PIGK: variants seen among roughly 807,000 people sequenced by gnomAD.
The protein encoded by PIGK is phosphatidylinositol glycan anchor biosynthesis class K, also known as GPI-anchor transamidase.
A neutral mutation model predicts 50.6 loss-of-function variants in PIGK; 42 were observed. The observed-to-expected ratio is 0.83, with a 90% CI of 0.65 to 1.07. PIGK has a LOEUF of 1.07. Ranked by LOEUF, PIGK falls within the 50% of genes least tolerant of loss-of-function variation. The probability of loss-of-function intolerance (pLI) is 0.00; values close to 1 mark genes in which losing one functional copy is unlikely to be tolerated. For synonymous variants in PIGK, 151 were observed against 156.0 expected, an observed-to-expected ratio of 0.97 and a Z score of 0.24; for missense variants, 448 against 488.7, an observed-to-expected ratio of 0.92 and a Z score of 0.78.
intron 1 of PIGK, among the ~76,000 whole-genome samples, chr1:77,217,567 C>CAAA (rs1656598065): frequency 4.0e-5 from 6 of 151,774 alleles, no homozygotes; most frequent in Non-Finnish European, 7.4e-5. Flanking sequence ...ATCAAGGTCC[C>CAAA]TGGGTGACAT....
intron 3 of PIGK, among the ~76,000 whole-genome samples, chr1:77,199,216 C>T (rs1656105557): frequency 6.6e-6 from 1 of 152,028 alleles, no homozygotes; most frequent in African/African-American, 2.4e-5. Context: ...ATTTCAACTT[C>T]CTAACTATTC....
chr1:77,133,848 G>T (rs574405383), intron 9 of PIGK, among the ~76,000 whole-genome samples: 1 of 152,258 alleles, frequency 6.6e-6, no homozygotes, highest in African/African-American at 2.4e-5. Flanking sequence ...ATTTTCAAAG[G>T]TTTCTGACTT....
In PIGK at chr1:77,164,076, C is replaced by A; in HGVS notation, c.488-134G>T. 4 of 522,540 alleles carry A rather than the reference C, an allele frequency of 7.7e-6. 1 individual carries two copies. The South Asian group carries it at 1.3e-4, about 16-fold the overall frequency. 32.4% of individuals were successfully genotyped at this position (522,540 alleles called of 1,614,324 possible). ...TACTCTAAAATGTATACTATGAAAA[C>A]AAACAAATTGAATTTTCTACTATGC... On this transcript the variant is annotated intron_variant, in intron 5 of 10. Transcript: ENST00000370812.
rs903196985 is a variant in PIGK, at chr1:77,194,990, G to A, written c.239+11650C>T. On this transcript the variant is annotated intron_variant, in intron 3 of 10. Coordinates refer to ENST00000370812, the MANE Select transcript of PIGK (RefSeq NM_005482.3). The stretch of plus-strand genomic sequence containing the variant: ...TGGAGCAGAGGATCACGTGGAAGCA[G>A]TGAAAAAGCTCCAAACTCCACCAAG... The A allele has an allele frequency of 1.3e-5, 9 of 677,642 alleles. No individual in the cohort carries two copies. In the African/African-American group the frequency reaches 1.6e-4, roughly 12 times the overall value. The allele number at this position is 677,642 out of a possible 1,614,324, so 42.0% of individuals were successfully genotyped here. A position where few individuals can be genotyped will look rare whatever the true frequency, so the allele number is the denominator to read the frequency against.
intron 6 of PIGK, among the ~76,000 whole-genome samples, chr1:77,163,331 A>G (rs1362988154): frequency 6.6e-6 from 1 of 152,164 alleles, no homozygotes; most frequent in African/African-American, 2.4e-5. Flanking sequence ...AATCAAGTTA[A>G]AAGTTTTTTC....
intron 3 of PIGK, among the ~76,000 whole-genome samples, chr1:77,183,679 C>T (rs986473519): frequency 6.6e-6 from 1 of 152,138 alleles, no homozygotes; most frequent in African/African-American, 2.4e-5. Context: ...GACTTGGGCC[C>T]ACTAAGTAGG....
At chr1:77,215,312 T>C (rs890381423) in intron 1 of PIGK, among the ~76,000 whole-genome samples, 7 of 152,050 alleles carry the variant, frequency 4.6e-5, no homozygotes, top group Non-Finnish European at 1.0e-4. Context: ...CCCACAAGTG[T>C]ATGAAAAAAT....
chr1:77,162,418 T>A (rs1305049255), intron 6 of PIGK, among the ~76,000 whole-genome samples: 1 of 152,108 alleles, frequency 6.6e-6, no homozygotes, highest in Non-Finnish European at 1.5e-5. Flanking sequence ...TGGGAACAGA[T>A]CTGTGTAGCT....
intron 3 of PIGK, among the ~76,000 whole-genome samples, chr1:77,183,658 C>T (rs145729641): frequency 6.6e-6 from 1 of 152,252 alleles, no homozygotes; most frequent in African/African-American, 2.4e-5. Flanking sequence ...TTAGATCAGG[C>T]TAAATTTATT....
At chr1:77,210,624 A>G (rs182781126) in intron 1 of PIGK, 135 bp from the exon 2 acceptor site, 1 of 561,674 alleles carries the variant, frequency 1.8e-6, no homozygotes, top group Non-Finnish European at 3.2e-6. Flanking sequence ...AGATTCCAGT[A>G]TTTGTCATTA....
At chr1:77,133,094 G>T (rs770573656) in intron 9 of PIGK, among the ~76,000 whole-genome samples, 1 of 151,954 alleles carries the variant, frequency 6.6e-6, no homozygotes, top group Non-Finnish European at 1.5e-5. Context: ...TTTAAATATT[G>T]TCTGTTCTTC....
rs182714593 is a variant in PIGK at position 77,130,132 on chromosome 1, G to C, written c.987-7773C>G. Among the ~76,000 whole-genome samples the C allele has an allele frequency of 3.8e-3, 554 of 147,332 alleles. 5 individuals carry two copies. The highest frequency in any genetic ancestry group is 0.013 in the African/African-American group (524 of 40,400). On this transcript the variant is annotated intron_variant, in intron 9 of 10. Transcript: ENST00000370812. The stretch of plus-strand genomic sequence containing the variant: ...ATCTAGACAGAAATTCTTTGAAATA[G>C]ATGTTACAAATAACGTCACCACACT...
chr1:77,173,686 G>C (rs550173035), intron 3 of PIGK, among the ~76,000 whole-genome samples: 21 of 152,292 alleles, frequency 1.4e-4, no homozygotes, highest in South Asian at 2.1e-4. Context: ...AGCAAATTTG[G>C]TGTCCTTGTC....
At chr1:77,175,059 G>A (rs937815793) in intron 3 of PIGK, among the ~76,000 whole-genome samples, 3 of 152,086 alleles carry the variant, frequency 2.0e-5, no homozygotes, top group African/African-American at 4.8e-5. Flanking sequence ...TTTAGTTCAC[G>A]TAACTTTAGT....
chr1:77,127,530 C>A (rs1164356979), intron 9 of PIGK, among the ~76,000 whole-genome samples: 1 of 152,098 alleles, frequency 6.6e-6, no homozygotes, highest in Non-Finnish European at 1.5e-5. Context: ...GAGACCCCAT[C>A]ACAAATAAAT....
At chr1:77,164,009 A>T in intron 5 of PIGK, 67 bp from the exon 6 acceptor site, 1 of 771,932 alleles carries the variant, frequency 1.3e-6, no homozygotes, top group Non-Finnish European at 2.2e-6. Flanking sequence ...AGATATATAC[A>T]TTTACTTCAT....
intron 8 of PIGK, among the ~76,000 whole-genome samples, chr1:77,160,781 G>A (rs1348430810): frequency 6.6e-6 from 1 of 152,122 alleles, no homozygotes; most frequent in Non-Finnish European, 1.5e-5. Context: ...AACAAGCCTT[G>A]TCAAATGACT....
intron 1 of PIGK, among the ~76,000 whole-genome samples, chr1:77,214,615 C>T (rs954309453): frequency 6.6e-6 from 1 of 152,092 alleles, no homozygotes; most frequent in South Asian, 2.1e-4. Context: ...CCACTCTCAC[C>T]ACTCTTATCA....
intron 9 of PIGK, among the ~76,000 whole-genome samples, chr1:77,140,796 A>G (rs1472102126): frequency 2.6e-5 from 4 of 152,228 alleles, no homozygotes; most frequent in Admixed American, 6.5e-5. Flanking sequence ...TTTTACATGC[A>G]AAAGAGAAAT....
Sources: gnomAD v4.1 joint callset for allele counts (sites outside exome capture counted in the v4.1 genomes callset) on GRCh38, gnomAD v4.1.1 for gene constraint, MANE v1.5 for transcripts, NCBI Gene and HGNC (gene_info 2026-07-23, HGNC 2026-07-21) for gene names.